SYNE1: variants seen among roughly 807,000 people sequenced by gnomAD.
SYNE1 encodes the protein nesprin-1.
A neutral mutation model predicts 1,111.0 loss-of-function variants in SYNE1; 616 were observed. That is an observed-to-expected ratio of 0.55 (90% CI 0.52 to 0.59). SYNE1 has a LOEUF of 0.59. Ranked by LOEUF, SYNE1 falls within the 20% of genes least tolerant of loss-of-function variation. The pLI, the probability that SYNE1 is intolerant of heterozygous loss-of-function variation, is 0.00. For missense variants in SYNE1, 10,006 were observed against 10,417.0 expected (o/e 0.96, Z 1.72); for synonymous variants, 3,855 against 3,825.8 (o/e 1.01, Z -0.28).
At chr6:152,505,507 T>C in intron 8 of SYNE1, 110 bp from the exon 9 acceptor site, 2 of 1,189,686 alleles carry the variant, frequency 1.7e-6, no homozygotes, top group Non-Finnish European at 2.4e-6. Context: ...TGCAGAGAGC[T>C]GTATCAGTTC....
intron 97 of SYNE1, among the ~76,000 whole-genome samples, chr6:152,281,106 G>C (rs938438770): frequency 6.6e-6 from 1 of 152,132 alleles, no homozygotes; most frequent in Non-Finnish European, 1.5e-5. Context: ...AAATGAAAAA[G>C]CTTTTAAGGT....
At position 152,451,049 on chromosome 6, in the gene SYNE1, T is replaced by G. The variant is rs1399273025; in HGVS notation, c.3184A>C (p.Arg1062=). The G allele has an allele frequency of 6.2e-7, 1 of 1,614,060 alleles. No individual in the cohort carries two copies. Among genetic ancestry groups the G allele is most frequent in the Non-Finnish European group, 8.5e-7 (1 of 1,180,036 alleles). ...EGSEKIIKEH[R]VFFSDKGPHH... ...ACATTGTGGTGTGGGAGACGTACCCTGTGCTCTTTAATTATCTTTTCACTG... is the reference window on the plus strand; with the variant it reads ...ACATTGTGGTGTGGGAGACGTACCCGGTGCTCTTTAATTATCTTTTCACTG... The change falls in exon 26 of 146, where the codon AGG becomes CGG. Residue 1062 remains arginine (R), a splice_region_variant and synonymous_variant. Transcript: ENST00000367255.
Position 152,122,444 on chromosome 6 carries a change from G to T in SYNE1, c.26386C>A (p.Pro8796Thr). The T allele has an allele frequency of 1.2e-6, 2 of 1,614,154 alleles. No homozygotes were observed. Among genetic ancestry groups the T allele is most frequent in the Non-Finnish European group, 1.7e-6 (2 of 1,180,042 alleles). Residue 8796 changes from proline (P) to threonine (T), a missense_variant, in exon 146 of 146, where the codon CCA (proline) becomes ACA (threonine). Around this residue, in one of 7 missense-constraint regions of SYNE1, gnomAD observed 761 missense variants for 795.5 expected, o/e 0.96. Transcript: ENST00000367255. ...GATGGCATCTGCTTAGTTCAGAGTG[G>T]AGGAGGGCCATTCGTGTATCTGAGC... ...PMLRYTNGPP[P>T]L
chr6:152,435,934 C>T lies in SYNE1; in HGVS notation c.4310+7G>A. On this transcript the variant is annotated splice_region_variant and intron_variant, in intron 33 of 145. Coordinates refer to ENST00000367255, the MANE Select transcript of SYNE1 (RefSeq NM_182961.4). ...AGAAGAAAGTTTAGGACTTGTCAAT[C>T]ACATACTCTTCTTCAAGCGTGTCTT... 1 of 1,614,048 alleles carries T rather than the reference C, an allele frequency of 6.2e-7. No homozygotes were observed. The highest frequency in any genetic ancestry group is 1.3e-5 in the African/African-American group (1 of 75,046).
At chr6:152,143,814 T>C (rs1269707809) in intron 137 of SYNE1, 49 bp from the exon 138 acceptor site, 2 of 1,613,288 alleles carry the variant, frequency 1.2e-6, no homozygotes, top group Non-Finnish European at 1.7e-6. Context: ...ATTTGACTTA[T>C]TTAAAGCTTG....
chr6:152,449,759 T>A, intron 27 of SYNE1, 118 bp from the exon 28 acceptor site: 1 of 834,122 alleles, frequency 1.2e-6, no homozygotes, highest in Non-Finnish European at 2.0e-6. Context: ...CCAAATTGAT[T>A]AATAACTTTT....
intron 80 of SYNE1, 141 bp downstream of exon 80, chr6:152,325,817 A>G: frequency 1.8e-6 from 2 of 1,086,712 alleles, no homozygotes; most frequent in Non-Finnish European, 2.7e-6. Context: ...AATAAACTTA[A>G]AACTTCTATA....
chr6:152,341,595 G>T (rs972429333), intron 74 of SYNE1, among the ~76,000 whole-genome samples: 1 of 152,100 alleles, frequency 6.6e-6, no homozygotes. Context: ...AGGGTTTATT[G>T]GGTTTACTAG....
rs142690727 is a variant in SYNE1 at position 152,143,757 on chromosome 6, T to C, written c.24985A>G (p.Ser8329Gly). The C allele has an allele frequency of 1.0e-4, 161 of 1,614,236 alleles. No individual in the cohort carries two copies. In the African/African-American group the frequency reaches 1.7e-3, roughly 17 times the overall value. ...TGTCGGATCTGTGACTCTAGGGCAC[T>C]GTGGTCCCCTGCGGTGGCAACCATA... Reference protein sequence around the residue: ...RGAVGLSGDHSALESQIRQLG... With the variant: ...RGAVGLSGDHGALESQIRQLG... The change falls in exon 138 of 146, where the codon AGT becomes GGT. Residue 8329 changes from serine (S) to glycine (G), a missense_variant. This residue lies in a region of SYNE1 where 761 missense variants were observed against 795.5 expected (regional missense o/e 0.96). Transcript: ENST00000367255.
intron 46 of SYNE1, chr6:152,402,558 T>C (rs1220310904): frequency 1.3e-5 from 2 of 152,218 alleles, no homozygotes; most frequent in African/African-American, 4.8e-5. Context: ...AGCCTGTCTG[T>C]CACTTTTAGG....
chr6:152,408,441 T>A (rs1010520730), intron 44 of SYNE1, among the ~76,000 whole-genome samples: 1 of 152,232 alleles, frequency 6.6e-6, no homozygotes, highest in African/African-American at 2.4e-5. Flanking sequence ...TAATATTCTA[T>A]AGAATGTTCA....
intron 74 of SYNE1, among the ~76,000 whole-genome samples, chr6:152,340,574 C>A (rs189508679): frequency 6.6e-6 from 1 of 152,208 alleles, no homozygotes; most frequent in Non-Finnish European, 1.5e-5. Context: ...CTTGTAGGAG[C>A]AAAGTCACCA....
intron 144 of SYNE1, among the ~76,000 whole-genome samples, chr6:152,131,731 C>T (rs1013847298): frequency 2.6e-5 from 4 of 152,120 alleles, no homozygotes; most frequent in Admixed American, 6.5e-5. Flanking sequence ...CAGGCGTTCA[C>T]GGTTCTGTGC....
chr6:152,216,466 A>G (rs2078698090), intron 121 of SYNE1, among the ~76,000 whole-genome samples: 1 of 152,232 alleles, frequency 6.6e-6, no homozygotes, highest in Non-Finnish European at 1.5e-5. Flanking sequence ...ATTGAACAAA[A>G]TGACCAGGAC....
At chr6:152,538,160 C>T (rs1189737127) in intron 4 of SYNE1, among the ~76,000 whole-genome samples, 2 of 152,096 alleles carry the variant, frequency 1.3e-5, no homozygotes, top group Admixed American at 6.6e-5. Context: ...ATATTAAAAT[C>T]ATAATTGTGC....
chr6:152,401,479 C>T (rs1464759056), intron 46 of SYNE1, 138 bp from the exon 47 acceptor site: 21 of 817,726 alleles, frequency 2.6e-5, no homozygotes, highest in African/African-American at 3.4e-5. Context: ...TGTTAATATG[C>T]CTTTCCAAGA....
chr6:152,220,861 G>T lies in SYNE1; in HGVS notation c.21842C>A (p.Thr7281Lys), dbSNP rs777558839. The T allele has an allele frequency of 6.2e-7, 1 of 1,613,952 alleles. No individual in the cohort carries two copies. The change falls in exon 119 of 146, where the codon ACA becomes AAA. Residue 7281 changes from threonine to lysine, a missense_variant. Thr to Lys is a moderately conservative substitution (Grantham distance 78). This residue lies in a region of SYNE1 where 2,182 missense variants were observed against 2,287.8 expected (regional missense o/e 0.95). Transcript: ENST00000367255. ...ACATACGTTGCAATCTTGAATCCAT[G>T]TGGCAACCTCATCATCGGCAATGTC... ...NKDIADDEVA[T>K]WIQDCNDLLK...
chr6:152,518,448 T>A (rs1196842485), intron 6 of SYNE1, among the ~76,000 whole-genome samples: 1 of 151,924 alleles, frequency 6.6e-6, no homozygotes, highest in African/African-American at 2.4e-5. Flanking sequence ...CCCCTTGCTC[T>A]CTTGCTCCTG....
Position 152,136,525 on chromosome 6 carries a change from G to A in SYNE1, c.25659+93C>T, listed in dbSNP as rs745427971. ...AATACTGACTTTGGGGAGCAACTGC[G>A]TCCCTCTAGAAACCATGATACATCA... On this transcript the variant is annotated intron_variant, in intron 141 of 145. Coordinates refer to ENST00000367255, the MANE Select transcript of SYNE1 (RefSeq NM_182961.4). 1,103 of 1,493,002 alleles carry A rather than the reference G, an allele frequency of 7.4e-4. 3 individuals are homozygous for A. Among genetic ancestry groups the A allele is most frequent in the South Asian group, 9.9e-4 (85 of 85,796 alleles). The allele number at this position is 1,493,002 out of a possible 1,614,324, so 92.5% of individuals were successfully genotyped here.
Sources: allele counts gnomAD v4.1 joint callset (sites outside exome capture counted in the v4.1 genomes callset), GRCh38; gene constraint gnomAD v4.1.1; regional missense constraint gnomAD v4.1.1; transcripts MANE v1.5; gene names NCBI Gene and HGNC (gene_info 2026-07-23, HGNC 2026-07-21).